Variants in PCDHA13 observed in about 807,000 individuals in gnomAD.
PCDHA13 encodes protocadherin alpha-13.
In PCDHA13, 54 loss-of-function variants were observed where a neutral mutation model predicts 64.8. The ratio of observed to expected loss-of-function variants is 0.83; its 90% confidence interval spans 0.67 to 1.04. PCDHA13 has a LOEUF of 1.04. PCDHA13 is among the 50% of genes least tolerant of loss of function. The pLI is 0.00. For missense variants in PCDHA13, 1,248 were observed against 1,254.3 expected (o/e 0.99, Z 0.08); for synonymous variants, 587 against 564.4 (o/e 1.04, Z -0.57).
At chr5:140,925,643 T>TAATAATAATAAG (rs1195362666) in intron 1 of PCDHA13, among the ~76,000 whole-genome samples, 1 of 99,548 alleles carries the variant, frequency 1.0e-5, no homozygotes, top group Non-Finnish European at 2.0e-5. Context: ...ACTTAAAGTA[T>TAATAATAATAAG]AATAATAATA....
At chr5:140,898,026 T>G (rs11167645) in intron 1 of PCDHA13, among the ~76,000 whole-genome samples, 49,476 of 151,852 alleles carry the variant, frequency 0.33, 8,303 homozygotes, top group East Asian at 0.53. Flanking sequence ...GCCCACTTTT[T>G]GATGGGGTTG....
At chr5:140,908,726 G>A (rs1304356386) in intron 1 of PCDHA13, among the ~76,000 whole-genome samples, 3 of 152,188 alleles carry the variant, frequency 2.0e-5, no homozygotes, top group African/African-American at 4.8e-5. Flanking sequence ...TGGGTCATAT[G>A]GCTCGAGAAA....
intron 1 of PCDHA13, among the ~76,000 whole-genome samples, chr5:140,921,582 A>G (rs1451313725): frequency 6.6e-6 from 1 of 152,200 alleles, no homozygotes; most frequent in Non-Finnish European, 1.5e-5. Context: ...AGCTCATACT[A>G]TATTATGGTT....
chr5:140,992,845 C>T (rs2097530741), intron 3 of PCDHA13, among the ~76,000 whole-genome samples: 1 of 152,148 alleles, frequency 6.6e-6, no homozygotes, highest in African/African-American at 2.4e-5. Context: ...TTTTGTATAA[C>T]AACCAGTTTC....
intron 1 of PCDHA13, among the ~76,000 whole-genome samples, chr5:140,941,249 TTCTTTC>T (rs1367740560): frequency 3.0e-4 from 42 of 138,342 alleles, no homozygotes; most frequent in South Asian, 7.1e-4. Context: ...CTTTCTTTCT[TTCTTTC>T]TCTTTCTTTC....
intron 1 of PCDHA13, among the ~76,000 whole-genome samples, chr5:140,934,619 C>G (rs1403192448): frequency 1.3e-5 from 2 of 152,028 alleles, no homozygotes; most frequent in Non-Finnish European, 2.9e-5. Flanking sequence ...GCCTGAGGTA[C>G]AGTTCACACA....
At chr5:140,964,482 G>A (rs1554227054) in intron 1 of PCDHA13, among the ~76,000 whole-genome samples, 1 of 152,144 alleles carries the variant, frequency 6.6e-6, no homozygotes, top group African/African-American at 2.4e-5. Flanking sequence ...TTTTTTCACA[G>A]TCACAGGTCT....
At chr5:140,887,668 A>G (rs1047587717) in intron 1 of PCDHA13, among the ~76,000 whole-genome samples, 1 of 151,958 alleles carries the variant, frequency 6.6e-6, no homozygotes, top group Non-Finnish European at 1.5e-5. Context: ...CTGTGGATTT[A>G]TCATTTTCAT....
At chr5:140,894,140 C>T (rs1004427236) in intron 1 of PCDHA13, among the ~76,000 whole-genome samples, 2 of 151,956 alleles carry the variant, frequency 1.3e-5, no homozygotes, top group Admixed American at 6.6e-5. Context: ...GAAATAATTC[C>T]CTTCTATGTA....
At chr5:140,901,405 G>A (rs1366026091) in intron 1 of PCDHA13, among the ~76,000 whole-genome samples, 1 of 152,128 alleles carries the variant, frequency 6.6e-6, no homozygotes, top group Non-Finnish European at 1.5e-5. Flanking sequence ...TGAGAGATAG[G>A]GGTCTAGTTT....
intron 1 of PCDHA13, among the ~76,000 whole-genome samples, chr5:140,941,231 C>CTTTCTTTCTTTCTTTCTT (rs2092927472): frequency 2.2e-5 from 3 of 136,876 alleles, no homozygotes; most frequent in African/African-American, 8.3e-5. Context: ...TTCTTTCTTT[C>CTTTCTTTCTTTCTTTCTT]TTTCTTTCTT....
chr5:140,922,560 G>A (rs2080886484), intron 1 of PCDHA13, among the ~76,000 whole-genome samples: 4 of 152,146 alleles, frequency 2.6e-5, no homozygotes, highest in Admixed American at 2.6e-4. Flanking sequence ...GAAAAGTCAG[G>A]ATGACAAGTT....
intron 1 of PCDHA13, among the ~76,000 whole-genome samples, chr5:140,935,971 C>A (rs1563151362): frequency 6.7e-6 from 1 of 149,774 alleles, no homozygotes; most frequent in African/African-American, 2.5e-5. Context: ...TGGCTCACTG[C>A]AATCTCTGCC....
chr5:140,920,374 G>T (rs1427300257), intron 1 of PCDHA13, among the ~76,000 whole-genome samples: 1 of 151,964 alleles, frequency 6.6e-6, no homozygotes, highest in East Asian at 1.9e-4. Flanking sequence ...TATTCTTGTG[G>T]ATTCATATTA....
intron 2 of PCDHA13, among the ~76,000 whole-genome samples, chr5:140,981,439 T>C (rs1468864699): frequency 6.6e-6 from 1 of 152,128 alleles, no homozygotes; most frequent in Non-Finnish European, 1.5e-5. Flanking sequence ...CCAGGCATGG[T>C]GGCGGGTGCC....
chr5:140,923,171 G>T (rs1236853762), intron 1 of PCDHA13, among the ~76,000 whole-genome samples: 1 of 152,112 alleles, frequency 6.6e-6, no homozygotes, highest in Non-Finnish European at 1.5e-5. Flanking sequence ...ATAAATTTTT[G>T]TTCAGATGCA....
chr5:140,897,389 C>G (rs1212817070), intron 1 of PCDHA13, among the ~76,000 whole-genome samples: 1 of 139,546 alleles, frequency 7.2e-6, no homozygotes, highest in Non-Finnish European at 1.5e-5. Context: ...CTTCCTGTGT[C>G]CATGTGTTCT....
intron 1 of PCDHA13, among the ~76,000 whole-genome samples, chr5:140,953,471 C>T (rs554082808): frequency 3.9e-5 from 6 of 152,074 alleles, no homozygotes; most frequent in Non-Finnish European, 7.4e-5. Flanking sequence ...TTTTAACTTC[C>T]TCATGCTGTG....
chr5:140,968,719 G>C lies in PCDHA13; in HGVS notation c.2395-10230G>C. The C allele has an allele frequency of 1.9e-6, 3 of 1,614,148 alleles. No homozygotes were observed. Among genetic ancestry groups the C allele is most frequent in the African/African-American group, 1.3e-5 (1 of 75,038 alleles). ...GGACTACCAGGAAGATGGGAGATGA[G>C]AGTGGTAGCACTTTCAACCTGACCG... On this transcript the variant is annotated intron_variant, in intron 1 of 3. Transcript: ENST00000289272.
Sources: gnomAD v4.1 joint callset for allele counts (sites outside exome capture counted in the v4.1 genomes callset) on GRCh38, gnomAD v4.1.1 for gene constraint, MANE v1.5 for transcripts, NCBI Gene and HGNC (gene_info 2026-07-23, HGNC 2026-07-21) for gene names.